Variants in CDKAL1 observed in about 807,000 individuals in gnomAD.
CDKAL1 encodes the protein CDKAL1 threonylcarbamoyladenosine tRNA methylthiotransferase, also known as threonylcarbamoyladenosine tRNA methylthiotransferase.
A neutral mutation model predicts 68.2 loss-of-function variants in CDKAL1; 32 were observed. The observed-to-expected ratio is 0.47, with a 90% confidence interval of 0.35 to 0.63. CDKAL1 has a LOEUF of 0.63. Among genes scored for constraint, CDKAL1 ranks in the 30% least tolerant of loss-of-function variants. CDKAL1 has a pLI of 0.00. For synonymous variants in CDKAL1, 234 were observed against 244.3 expected (o/e 0.96, Z 0.39); for missense variants, 606 against 696.7 (o/e 0.87, Z 1.47).
intron 8 of CDKAL1, among the ~76,000 whole-genome samples, chr6:20,835,108 T>G (rs1777876729): frequency 1.3e-5 from 2 of 152,170 alleles, no homozygotes; most frequent in South Asian, 4.1e-4. Context: ...AACAATAATT[T>G]CCTGGGCACT....
At position 21,230,931 on chromosome 6, in the gene CDKAL1, A is replaced by G. The variant is rs1562135477; in HGVS notation, c.1632A>G (p.Arg544=). The change falls in exon 16 of 16, where the codon AGA becomes AGG. Residue 544 remains arginine, a synonymous_variant. Transcript: ENST00000274695. ...CTCAGTGTGACTCAGCGAGTTCCAG[A>G]ATGGTGCTGCCCATGCCAAGGCTAC... ...AASQCDSASS[R]MVLPMPRLHQ... is the part of the protein sequence containing the mutation. The G allele has an allele frequency of 3.1e-6, 5 of 1,614,132 alleles. No individual in the cohort carries two copies. The highest frequency in any genetic ancestry group is 3.4e-6 in the Non-Finnish European group (4 of 1,179,992).
intron 4 of CDKAL1, among the ~76,000 whole-genome samples, chr6:20,569,052 A>G (rs1764594584): frequency 1.3e-5 from 2 of 152,208 alleles, no homozygotes; most frequent in Admixed American, 1.3e-4. Flanking sequence ...AATTTATATC[A>G]ATATCCATGC....
intron 2 of CDKAL1, among the ~76,000 whole-genome samples, chr6:20,542,985 C>A (rs996217608): frequency 1.2e-4 from 19 of 152,222 alleles, no homozygotes; most frequent in African/African-American, 4.6e-4. Flanking sequence ...CAGGTTGATG[C>A]ATATGTCATT....
intron 13 of CDKAL1, among the ~76,000 whole-genome samples, chr6:21,109,973 G>A (rs1034685745): frequency 1.3e-5 from 2 of 152,070 alleles, no homozygotes; most frequent in African/African-American, 2.4e-5. Flanking sequence ...AGCTTCTACC[G>A]GCTTCCTCCT....
At chr6:20,991,700 C>G in intron 10 of CDKAL1, among the ~76,000 whole-genome samples, 1 of 129,286 alleles carries the variant, frequency 7.7e-6, no homozygotes, top group Non-Finnish European at 1.6e-5. Context: ...GAGTGATATT[C>G]CCTCTCAAAA....
At chr6:21,185,906 G>A (rs1482296661) in intron 13 of CDKAL1, among the ~76,000 whole-genome samples, 1 of 152,148 alleles carries the variant, frequency 6.6e-6, no homozygotes, top group Non-Finnish European at 1.5e-5. Context: ...GCTTGAGGAA[G>A]CTACATTTTC....
chr6:21,090,409 A>G (rs943678794), intron 12 of CDKAL1, among the ~76,000 whole-genome samples: 2 of 152,226 alleles, frequency 1.3e-5, no homozygotes, highest in Admixed American at 6.5e-5. Flanking sequence ...ATTGCTTTCC[A>G]TACCTAGCAT....
chr6:20,826,910 T>G (rs1777525009), intron 8 of CDKAL1, among the ~76,000 whole-genome samples: 1 of 152,166 alleles, frequency 6.6e-6, no homozygotes, highest in Non-Finnish European at 1.5e-5. Flanking sequence ...GCCATTAATC[T>G]TTGTGACTTA....
At chr6:20,573,812 C>A (rs558436733) in intron 4 of CDKAL1, among the ~76,000 whole-genome samples, 5 of 152,234 alleles carry the variant, frequency 3.3e-5, no homozygotes, top group Admixed American at 2.0e-4. Flanking sequence ...AATAAGGATG[C>A]CGTACAGAGA....
intron 13 of CDKAL1, among the ~76,000 whole-genome samples, chr6:21,161,411 G>T (rs930832654): frequency 9.2e-5 from 14 of 152,130 alleles, no homozygotes; most frequent in African/African-American, 3.4e-4. Context: ...TAGTTCCTTT[G>T]TAGAAACTAC....
At chr6:20,928,936 C>G (rs749192718) in intron 9 of CDKAL1, among the ~76,000 whole-genome samples, 1 of 152,150 alleles carries the variant, frequency 6.6e-6, no homozygotes, top group Non-Finnish European at 1.5e-5. Flanking sequence ...CTTACGAAGT[C>G]GAGTCCTGGA....
At chr6:20,820,900 G>T (rs1777250409) in intron 8 of CDKAL1, among the ~76,000 whole-genome samples, 3 of 152,032 alleles carry the variant, frequency 2.0e-5, no homozygotes, top group African/African-American at 4.8e-5. Context: ...GTCAGATAGT[G>T]AACAGTGTAA....
chr6:20,978,051 A>C (rs967993214), intron 10 of CDKAL1, among the ~76,000 whole-genome samples: 1 of 152,210 alleles, frequency 6.6e-6, no homozygotes, highest in African/African-American at 2.4e-5. Context: ...TCAAATTTTG[A>C]TATAGGGAAT....
At chr6:21,126,259 C>T (rs1381195006) in intron 13 of CDKAL1, among the ~76,000 whole-genome samples, 1 of 152,188 alleles carries the variant, frequency 6.6e-6, no homozygotes, top group Non-Finnish European at 1.5e-5. Flanking sequence ...GTTCTTTCCT[C>T]TGTAGTTATA....
At chr6:21,125,369 A>G (rs1291896347) in intron 13 of CDKAL1, among the ~76,000 whole-genome samples, 2 of 152,168 alleles carry the variant, frequency 1.3e-5, no homozygotes, top group Non-Finnish European at 2.9e-5. Flanking sequence ...AGGAACTGTG[A>G]GTCAATTGAA....
At chr6:20,839,085 T>C (rs1778073496) in intron 8 of CDKAL1, among the ~76,000 whole-genome samples, 1 of 151,884 alleles carries the variant, frequency 6.6e-6, no homozygotes, top group Non-Finnish European at 1.5e-5. Context: ...CAATATTCAG[T>C]TAAAAGAGGC....
At chr6:20,925,798 A>G (rs1335241452) in intron 9 of CDKAL1, among the ~76,000 whole-genome samples, 11 of 152,166 alleles carry the variant, frequency 7.2e-5, no homozygotes, top group Non-Finnish European at 1.5e-4. Context: ...AGCCAAAGAT[A>G]TTAGTTACAG....
chr6:20,609,482 G>A lies in CDKAL1; in HGVS notation c.287-39811G>A, dbSNP rs143939750. The stretch of plus-strand genomic sequence containing the variant: ...ACAGTCTCGACTCACTGCAGCCTCC[G>A]TCTCCCAGGTTCAAGTGATTCTCCT... On this transcript the variant is annotated intron_variant, in intron 4 of 15. Transcript: ENST00000274695. 8.1e-3 allele frequency among the ~76,000 whole-genome samples: 1,194 copies of A among 147,708 alleles called. 12 individuals carry two copies. The highest frequency in any genetic ancestry group is 0.027 in the African/African-American group (1,073 of 39,898).
rs1360115586 is a variant in CDKAL1 at position 20,713,628 on chromosome 6, C to G, written c.372-25891C>G. 2.6e-5 allele frequency among the ~76,000 whole-genome samples: 4 copies of G among 152,184 alleles called. 1 individual carries two copies. Among genetic ancestry groups the G allele is most frequent in the Middle Eastern group, 3.4e-3 (1 of 294 alleles). Reference sequence around the variant, plus strand: ...CATTTGCAAAGAAATACTTGATGAACTAGAATTCATACACTGTACAATGAA... The same window carrying G: ...CATTTGCAAAGAAATACTTGATGAAGTAGAATTCATACACTGTACAATGAA... On this transcript the variant is annotated intron_variant, in intron 5 of 15. Transcript: ENST00000274695.
Sources: gnomAD v4.1 joint callset for allele counts (sites outside exome capture counted in the v4.1 genomes callset) on GRCh38, gnomAD v4.1.1 for gene constraint, MANE v1.5 for transcripts, NCBI Gene and HGNC (gene_info 2026-07-23, HGNC 2026-07-21) for gene names.